The following RPS6KC1 variants were observed in gnomAD, a reference collection of about 807,000 sequenced individuals.
The protein encoded by RPS6KC1 is ribosomal protein S6 kinase C1, also known as inactive ribosomal protein S6 kinase delta-1.
A neutral mutation model predicts 103.8 loss-of-function variants in RPS6KC1; 54 were observed. The ratio of observed to expected loss-of-function variants is 0.52; its 90% CI spans 0.42 to 0.65. RPS6KC1 has a LOEUF of 0.65. Ranked by LOEUF, RPS6KC1 falls within the 30% of genes least tolerant of loss-of-function variation. The pLI is 0.00. For missense variants in RPS6KC1, 1,151 were observed against 1,253.8 expected, an observed-to-expected ratio of 0.92 and a Z score of 1.24; for synonymous variants, 439 against 438.7, an observed-to-expected ratio of 1.00 and a Z score of -0.01.
At chr1:213,850,022 C>T in the RPS6KC1 span, among the ~76,000 whole-genome samples, 10 of 152,032 alleles carry the variant, frequency 6.6e-5, no homozygotes, top group Non-Finnish European at 1.3e-4. Context: ...GTTTTCTAGG[C>T]GGACAATCAA....
At chr1:213,412,532 G>A in the RPS6KC1 span, among the ~76,000 whole-genome samples, 5 of 152,200 alleles carry the variant, frequency 3.3e-5, no homozygotes, top group South Asian at 2.1e-4. Flanking sequence ...ATTTTGTAGC[G>A]GTCCCTGCTT....
chr1:213,426,608 C>T, the RPS6KC1 span, among the ~76,000 whole-genome samples: 1 of 152,182 alleles, frequency 6.6e-6, no homozygotes, highest in Admixed American at 6.5e-5. Context: ...ATGTCTATTT[C>T]AGGTCACTGA....
the RPS6KC1 span, among the ~76,000 whole-genome samples, chr1:213,379,814 A>T: frequency 6.6e-6 from 1 of 152,136 alleles, no homozygotes; most frequent in Admixed American, 6.5e-5. Flanking sequence ...ATTGTTACAA[A>T]GTCAAAAAAT....
At chr1:213,189,970 G>A (rs1368683006) in intron 8 of RPS6KC1, among the ~76,000 whole-genome samples, 4 of 152,062 alleles carry the variant, frequency 2.6e-5, no homozygotes, top group Admixed American at 2.6e-4. Flanking sequence ...CCATGTTGTT[G>A]CAAATGACTG....
chr1:213,856,771 C>A, the RPS6KC1 span, among the ~76,000 whole-genome samples: 9 of 152,218 alleles, frequency 5.9e-5, no homozygotes, highest in Admixed American at 5.2e-4. Flanking sequence ...TTTTTTAAAC[C>A]AATTCTATCG....
chr1:213,448,172 G>A, the RPS6KC1 span, among the ~76,000 whole-genome samples: 14 of 133,170 alleles, frequency 1.1e-4, no homozygotes, highest in African/African-American at 4.1e-4. Context: ...CAGAGGCTCA[G>A]TGAGCTATGA....
intron 8 of RPS6KC1, among the ~76,000 whole-genome samples, chr1:213,196,905 C>T (rs1425006265): frequency 1.3e-5 from 2 of 152,102 alleles, no homozygotes; most frequent in South Asian, 2.1e-4. Flanking sequence ...GGCGCGATCT[C>T]GGCTCACTGC....
the RPS6KC1 span, among the ~76,000 whole-genome samples, chr1:213,762,183 G>A: frequency 6.6e-6 from 1 of 151,996 alleles, no homozygotes; most frequent in Non-Finnish European, 1.5e-5. Flanking sequence ...CATAAGCAGT[G>A]CCCTCTGCCT....
the RPS6KC1 span, among the ~76,000 whole-genome samples, chr1:213,426,545 T>C: frequency 6.6e-6 from 1 of 152,200 alleles, no homozygotes; most frequent in African/African-American, 2.4e-5. Context: ...ATGACTAAAA[T>C]TTTTGAGACC....
chr1:213,297,439 C>T, the RPS6KC1 span, among the ~76,000 whole-genome samples: 1 of 152,140 alleles, frequency 6.6e-6, no homozygotes, highest in Admixed American at 6.5e-5. Context: ...ACTGCCTGGT[C>T]CAGGTACCTC....
At chr1:213,518,342 C>T in the RPS6KC1 span, among the ~76,000 whole-genome samples, 3 of 152,142 alleles carry the variant, frequency 2.0e-5, no homozygotes, top group Non-Finnish European at 4.4e-5. Flanking sequence ...AATCCAATAA[C>T]AATCATCTTC....
At chr1:213,491,097 G>C in the RPS6KC1 span, among the ~76,000 whole-genome samples, 1 of 152,138 alleles carries the variant, frequency 6.6e-6, no homozygotes, top group African/African-American at 2.4e-5. Flanking sequence ...GGCCTGTGGT[G>C]GTTAGGCACT....
the RPS6KC1 span, among the ~76,000 whole-genome samples, chr1:213,714,592 C>T: frequency 6.6e-6 from 1 of 152,194 alleles, no homozygotes; most frequent in African/African-American, 2.4e-5. Flanking sequence ...GTGGGCTTCC[C>T]TTAAGGCTGT....
chr1:213,515,977 A>G, the RPS6KC1 span, among the ~76,000 whole-genome samples: 1 of 152,052 alleles, frequency 6.6e-6, no homozygotes, highest in Admixed American at 6.6e-5. Flanking sequence ...TAGGTATTTT[A>G]TTCTCTTTGA....
At chr1:213,858,756 A>G in the RPS6KC1 span, among the ~76,000 whole-genome samples, 1 of 152,218 alleles carries the variant, frequency 6.6e-6, no homozygotes, top group Admixed American at 6.5e-5. Context: ...ACAAGATAAC[A>G]TAACCAAATG....
the RPS6KC1 span, among the ~76,000 whole-genome samples, chr1:213,645,002 A>G: frequency 9.9e-5 from 15 of 152,258 alleles, no homozygotes; most frequent in South Asian, 3.1e-3. Context: ...AGAGGGTGAC[A>G]ATGTGGTATT....
At chr1:213,580,043 C>T in the RPS6KC1 span, among the ~76,000 whole-genome samples, 2 of 151,970 alleles carry the variant, frequency 1.3e-5, no homozygotes, top group Non-Finnish European at 2.9e-5. Flanking sequence ...TTATTTAAAA[C>T]GTACATTTTG....
At chr1:213,177,539 C>T (rs1291228254) in intron 8 of RPS6KC1, among the ~76,000 whole-genome samples, 3 of 152,070 alleles carry the variant, frequency 2.0e-5, no homozygotes, top group South Asian at 2.1e-4. Flanking sequence ...ATAAAGCTGT[C>T]GGTGTCTTAA....
chr1:213,425,981 TAA>T, the RPS6KC1 span, among the ~76,000 whole-genome samples: 54 of 152,116 alleles, frequency 3.5e-4, no homozygotes, highest in African/African-American at 1.2e-3. Context: ...CGAGAGAGAA[TAA>T]AGATTCTCCC....
Sources: gnomAD v4.1 joint callset for allele counts (sites outside exome capture counted in the v4.1 genomes callset) on GRCh38, gnomAD v4.1.1 for gene constraint, MANE v1.5 for transcripts, NCBI Gene and HGNC (gene_info 2026-07-23, HGNC 2026-07-21) for gene names.